The following THSD4 variants were observed in gnomAD, a reference collection of about 807,000 sequenced individuals.
The protein encoded by THSD4 is thrombospondin type 1 domain containing 4.
In THSD4, 69 loss-of-function variants were observed where a neutral mutation model predicts 119.0. The ratio of observed to expected loss-of-function variants is 0.58; its 90% CI spans 0.48 to 0.71. The LOEUF (loss-of-function observed/expected upper bound fraction) is 0.71, where lower values mean the gene tolerates loss of function less well. Ranked by LOEUF, THSD4 falls within the 30% of genes least tolerant of loss-of-function variation. The pLI is 0.00. For missense variants in THSD4, 1,393 were observed against 1,391.1 expected (o/e 1.00, Z -0.02); for synonymous variants, 524 against 540.4 (o/e 0.97, Z 0.42).
chr15:71,700,654 G>T lies in THSD4; in HGVS notation c.1358-27895G>T, dbSNP rs180902149. On this transcript the variant is annotated intron_variant, in intron 8 of 17. Coordinates refer to ENST00000261862, the MANE Select transcript of THSD4 (RefSeq NM_024817.3). ...GATGAAGTGAAAATATGTCCTACAA[G>T]ATATGAAAATTTTATAAGCCCACAG... 8.5e-5 allele frequency among the ~76,000 whole-genome samples: 13 copies of T among 152,158 alleles called. No individual in the cohort carries two copies. In the East Asian group the frequency reaches 2.3e-3, roughly 27 times the overall value.
intron 3 of THSD4, chr15:71,167,206 G>A (rs1376556172): frequency 2.6e-5 from 4 of 152,216 alleles, no homozygotes; most frequent in Non-Finnish European, 4.4e-5. Context: ...GATGTGAAAT[G>A]AGGAAATGCT....
chr15:71,675,591 A>G (rs2051629100), intron 8 of THSD4, among the ~76,000 whole-genome samples: 2 of 152,146 alleles, frequency 1.3e-5, no homozygotes. Context: ...CCTCTTGATC[A>G]TGAGACCTCG....
At chr15:71,479,628 T>C (rs2047700201) in intron 7 of THSD4, among the ~76,000 whole-genome samples, 1 of 152,170 alleles carries the variant, frequency 6.6e-6, no homozygotes, top group Admixed American at 6.5e-5. Context: ...TGGGCTGTTT[T>C]TTATATGTTG....
intron 3 of THSD4, among the ~76,000 whole-genome samples, chr15:71,197,571 G>A (rs934431008): frequency 3.9e-5 from 6 of 152,296 alleles, no homozygotes; most frequent in Admixed American, 1.3e-4. Context: ...TTGTCATCGT[G>A]GGAAAGCACC....
At chr15:71,416,095 C>G (rs952989329) in intron 7 of THSD4, among the ~76,000 whole-genome samples, 1 of 152,140 alleles carries the variant, frequency 6.6e-6, no homozygotes, top group Non-Finnish European at 1.5e-5. Context: ...CCTCGCCTGG[C>G]CCGAAGTTTG....
At chr15:71,704,039 G>A (rs1457459803) in intron 8 of THSD4, among the ~76,000 whole-genome samples, 2 of 152,030 alleles carry the variant, frequency 1.3e-5, no homozygotes, top group African/African-American at 4.8e-5. Context: ...TAGTAGAGAC[G>A]GGGTTTCACC....
chr15:71,363,255 A>G (rs1337765470), intron 6 of THSD4, among the ~76,000 whole-genome samples: 2 of 152,242 alleles, frequency 1.3e-5, no homozygotes, highest in South Asian at 2.1e-4. Flanking sequence ...TAGTACATAA[A>G]TGAATGGATA....
chr15:71,371,978 C>A (rs2046056975), intron 6 of THSD4, among the ~76,000 whole-genome samples: 1 of 152,164 alleles, frequency 6.6e-6, no homozygotes, highest in Non-Finnish European at 1.5e-5. Context: ...TTGTTCATTT[C>A]TTTTTACTCT....
chr15:71,475,619 G>T (rs979876125), intron 7 of THSD4, among the ~76,000 whole-genome samples: 6 of 152,144 alleles, frequency 3.9e-5, no homozygotes, highest in African/African-American at 1.4e-4. Flanking sequence ...CAGGTGTTAG[G>T]GAGTAAGCAT....
At chr15:71,540,157 A>C (rs1213916835) in intron 7 of THSD4, among the ~76,000 whole-genome samples, 1 of 81,078 alleles carries the variant, frequency 1.2e-5, no homozygotes, top group African/African-American at 4.7e-5. Context: ...TTTTTTTTTG[A>C]GATGGAGTCT....
chr15:71,608,241 T>TAC (rs754808213), intron 7 of THSD4, among the ~76,000 whole-genome samples: 3,613 of 80,178 alleles, frequency 0.045, 68 homozygotes, highest in Non-Finnish European at 0.059. Context: ...AAAAAAAATA[T>TAC]ATATATATAC....
At chr15:71,184,161 T>C (rs1223711371) in intron 3 of THSD4, 6 of 151,828 alleles carry the variant, frequency 4.0e-5, no homozygotes, top group African/African-American at 4.8e-5. Flanking sequence ...GTTTCTGTAG[T>C]AGGAGGGGCT....
chr15:71,578,676 C>T (rs895429345), intron 7 of THSD4, among the ~76,000 whole-genome samples: 10 of 151,706 alleles, frequency 6.6e-5, no homozygotes, highest in Admixed American at 1.3e-4. Context: ...AAGTGGCCTA[C>T]GACGAGCAGG....
chr15:71,264,622 G>A (rs1468915039), intron 6 of THSD4, among the ~76,000 whole-genome samples: 1 of 152,204 alleles, frequency 6.6e-6, no homozygotes, highest in Non-Finnish European at 1.5e-5. Flanking sequence ...ACCCATACTT[G>A]CAGTCATCAA....
At chr15:71,348,570 T>G (rs34007467) in intron 6 of THSD4, 23,850 of 152,228 alleles carry the variant, frequency 0.16, 1,914 homozygotes, top group South Asian at 0.21. Flanking sequence ...AGCTCAGAGC[T>G]TAGCTCTTAG....
intron 17 of THSD4, among the ~76,000 whole-genome samples, chr15:71,776,578 G>A (rs1022812532): frequency 2.6e-5 from 4 of 152,070 alleles, no homozygotes; most frequent in African/African-American, 7.2e-5. Context: ...CAGTTATACC[G>A]ACTTTGGAGA....
intron 1 of THSD4, among the ~76,000 whole-genome samples, chr15:71,132,925 C>T (rs1305063622): frequency 6.6e-6 from 1 of 152,232 alleles, no homozygotes. Context: ...CCTGAGCCCC[C>T]AGCTGCCTTT....
chr15:71,273,582 C>T (rs759907561), intron 6 of THSD4, among the ~76,000 whole-genome samples: 1 of 151,982 alleles, frequency 6.6e-6, no homozygotes, highest in Non-Finnish European at 1.5e-5. Context: ...GTGAGGGATA[C>T]GTTAATTAAC....
At chr15:71,550,069 A>G (rs1225803992) in intron 7 of THSD4, among the ~76,000 whole-genome samples, 3 of 152,330 alleles carry the variant, frequency 2.0e-5, no homozygotes, top group South Asian at 2.1e-4. Context: ...GAACAGTGAG[A>G]TCATGAGAAT....
Sources: gnomAD v4.1 joint callset for allele counts (sites outside exome capture counted in the v4.1 genomes callset) on GRCh38, gnomAD v4.1.1 for gene constraint, MANE v1.5 for transcripts, NCBI Gene and HGNC (gene_info 2026-07-23, HGNC 2026-07-21) for gene names.